The following RBFOX1 variants were observed in gnomAD, a reference collection of about 807,000 sequenced individuals.
The protein encoded by RBFOX1 is RNA binding protein fox-1 homolog 1.
A neutral mutation model predicts 57.7 loss-of-function variants in RBFOX1; 8 were observed. The ratio of observed to expected loss-of-function variants is 0.14; its 90% CI spans 0.08 to 0.25. RBFOX1 has a LOEUF of 0.25. Ranked by LOEUF, RBFOX1 falls within the 10% of genes least tolerant of loss-of-function variation. The probability of loss-of-function intolerance (pLI) is 1.00; values close to 1 mark genes in which losing one functional copy is unlikely to be tolerated. For missense variants in RBFOX1, 611 were observed against 548.5 expected, an observed-to-expected ratio of 1.11 and a Z score of -1.14; for synonymous variants, 326 against 222.4, an observed-to-expected ratio of 1.47 and a Z score of -4.15.
At chr16:7,307,645 C>T (rs184978372) in intron 4 of RBFOX1, among the ~76,000 whole-genome samples, 185 of 152,288 alleles carry the variant, frequency 1.2e-3, no homozygotes, top group African/African-American at 4.1e-3. Context: ...CAGTTTAGAG[C>T]TGCAAGGTGG....
intron 3 of RBFOX1, among the ~76,000 whole-genome samples, chr16:5,673,484 C>G (rs1567378629): frequency 6.6e-6 from 1 of 152,228 alleles, no homozygotes; most frequent in Non-Finnish European, 1.5e-5. Context: ...ATCTCACAGT[C>G]CATTTCCATG....
chr16:5,316,341 G>A (rs1284614878), intron 1 of RBFOX1, among the ~76,000 whole-genome samples: 5 of 152,208 alleles, frequency 3.3e-5, no homozygotes, highest in African/African-American at 9.6e-5. Flanking sequence ...TGATGGCCAA[G>A]TTTGTCTTTG....
At chr16:5,666,477 A>G (rs2049848021) in intron 3 of RBFOX1, among the ~76,000 whole-genome samples, 1 of 152,176 alleles carries the variant, frequency 6.6e-6, no homozygotes, top group Non-Finnish European at 1.5e-5. Flanking sequence ...ATTATCCTAG[A>G]TCCCAGAAAT....
At position 7,333,087 on chromosome 16, in the gene RBFOX1, A is replaced by G. The variant is rs780902521; in HGVS notation, c.28-185060A>G. 9 of 1,613,258 alleles carry G rather than the reference A, an allele frequency of 5.6e-6. No homozygotes were observed. The highest frequency in any genetic ancestry group is 7.6e-6 in the Non-Finnish European group (9 of 1,179,370). On this transcript the variant is annotated intron_variant, in intron 4 of 15. Transcript: ENST00000550418. The stretch of plus-strand genomic sequence containing the variant: ...GCTCCTTACCTTCCTGGACTGATTC[A>G]GGTAATTCAAGGCCTCTGCCAGCCA...
intron 4 of RBFOX1, among the ~76,000 whole-genome samples, chr16:7,301,914 A>G (rs1247698785): frequency 2.6e-5 from 4 of 152,180 alleles, no homozygotes; most frequent in Non-Finnish European, 5.9e-5. Context: ...GAATGCAAAA[A>G]TAAATAAATA....
intron 2 of RBFOX1, among the ~76,000 whole-genome samples, chr16:6,539,484 G>A (rs2096781457): frequency 6.6e-6 from 1 of 152,010 alleles, no homozygotes; most frequent in African/African-American, 2.4e-5. Context: ...GGGTCTATTT[G>A]CACAATATAC....
At position 7,598,288 on chromosome 16, in the gene RBFOX1, A is replaced by G. The variant is rs557496084; in HGVS notation, c.622+857A>G. Among the ~76,000 whole-genome samples, 57 of 152,150 alleles carry G rather than the reference A, an allele frequency of 3.7e-4. No homozygotes were observed. The South Asian group carries it at 0.011, about 30-fold the overall frequency. The stretch of plus-strand genomic sequence containing the variant: ...GGATCATAAAGGGTCTCATAATTAA[A>G]AAATTGACATAAATGTTTGTCGCAT... On this transcript the variant is annotated intron_variant, in intron 9 of 15. Coordinates refer to ENST00000550418, the MANE Select transcript of RBFOX1 (RefSeq NM_018723.4).
chr16:7,362,305 T>TTAGC (rs2097341055), intron 4 of RBFOX1, among the ~76,000 whole-genome samples: 1 of 150,310 alleles, frequency 6.7e-6, no homozygotes, highest in African/African-American at 2.5e-5. Flanking sequence ...TTTTCGTGTG[T>TTAGC]TTGCGTGTGT....
At chr16:5,320,374 A>G (rs2064369035) in intron 1 of RBFOX1, among the ~76,000 whole-genome samples, 2 of 152,248 alleles carry the variant, frequency 1.3e-5, no homozygotes, top group Non-Finnish European at 2.9e-5. Context: ...GCATTTGAGC[A>G]GGGAGCAGGA....
chr16:6,893,840 G>C (rs1055195085), intron 3 of RBFOX1, among the ~76,000 whole-genome samples: 8 of 152,116 alleles, frequency 5.3e-5, no homozygotes, highest in African/African-American at 1.9e-4. Flanking sequence ...TAATACTTCA[G>C]GGCCAATGGA....
In RBFOX1 at chr16:6,661,602, C is replaced by T. The variant is rs555296854; in HGVS notation, c.-16+6952C>T. Among the ~76,000 whole-genome samples, 5 of 152,256 alleles carry T rather than the reference C, an allele frequency of 3.3e-5. No individual in the cohort carries two copies. The South Asian group carries it at 1.0e-3, about 32-fold the overall frequency. On this transcript the variant is annotated intron_variant, in intron 3 of 15. Coordinates refer to ENST00000550418, the MANE Select transcript of RBFOX1 (RefSeq NM_018723.4). Reference sequence around the variant, plus strand: ...TGAAGAACCCAGCCAAAGTGAAAGTCAGCAGGGGAATAAGAACTGGGGTTG... The same window carrying T: ...TGAAGAACCCAGCCAAAGTGAAAGTTAGCAGGGGAATAAGAACTGGGGTTG...
intron 2 of RBFOX1, among the ~76,000 whole-genome samples, chr16:6,603,376 T>C (rs2154011967): frequency 6.6e-6 from 1 of 152,306 alleles, no homozygotes; most frequent in African/African-American, 2.4e-5. Context: ...TTTAAGGGAA[T>C]CTGTTTCTTA....
intron 3 of RBFOX1, among the ~76,000 whole-genome samples, chr16:6,900,321 C>T (rs541950789): frequency 6.6e-6 from 1 of 152,330 alleles, no homozygotes; most frequent in Admixed American, 6.5e-5. Context: ...AAGTTGCCAT[C>T]ATCTCCCCCT....
chr16:5,406,336 G>T (rs1293166418), intron 1 of RBFOX1, among the ~76,000 whole-genome samples: 1 of 148,792 alleles, frequency 6.7e-6, no homozygotes, highest in African/African-American at 2.5e-5. Flanking sequence ...GGTCTGAATA[G>T]AACAAAAGGT....
At chr16:6,988,010 G>T (rs925573129) in intron 3 of RBFOX1, among the ~76,000 whole-genome samples, 12 of 151,968 alleles carry the variant, frequency 7.9e-5, no homozygotes, top group African/African-American at 2.7e-4. Flanking sequence ...TCATGGTTAT[G>T]TTTCTGGTGA....
chr16:7,265,261 G>A (rs2095083277), intron 4 of RBFOX1, among the ~76,000 whole-genome samples: 1 of 151,968 alleles, frequency 6.6e-6, no homozygotes, highest in African/African-American at 2.4e-5. Flanking sequence ...GATCAGGGTA[G>A]TAGGATGGTC....
chr16:7,506,238 T>TA (rs1286798172), intron 4 of RBFOX1, among the ~76,000 whole-genome samples: 1 of 146,374 alleles, frequency 6.8e-6, no homozygotes, highest in Non-Finnish European at 1.5e-5. Context: ...CTGGCATAGT[T>TA]ACCAGAACAA....
At chr16:5,328,313 G>A (rs1483589731) in intron 1 of RBFOX1, among the ~76,000 whole-genome samples, 1 of 152,266 alleles carries the variant, frequency 6.6e-6, no homozygotes, top group East Asian at 1.9e-4. Context: ...AGACTGCAAG[G>A]ATGCATGCAT....
chr16:6,094,612 T>C lies in RBFOX1; in HGVS notation c.-127+74620T>C, dbSNP rs572759344. On this transcript the variant is annotated intron_variant, in intron 1 of 15. Coordinates refer to ENST00000550418, the MANE Select transcript of RBFOX1 (RefSeq NM_018723.4). ...TAGGTCATAGATAAGAGCTCTGGAA[T>C]TCAGCTCCTTCTAGTTTTTATTCCA... 1.5e-3 allele frequency among the ~76,000 whole-genome samples: 222 copies of C among 152,358 alleles called. 2 individuals carry two copies. Among genetic ancestry groups the C allele is most frequent in the Admixed American group, 2.7e-3 (41 of 15,296 alleles).
Sources: allele counts gnomAD v4.1 joint callset (sites outside exome capture counted in the v4.1 genomes callset), GRCh38; gene constraint gnomAD v4.1.1; transcripts MANE v1.5; gene names NCBI Gene and HGNC (gene_info 2026-07-23, HGNC 2026-07-21).